Variants in HS6ST2 observed in about 807,000 individuals in gnomAD.
HS6ST2 encodes heparan-sulfate 6-O-sulfotransferase 2.
HS6ST2 carries 17 observed loss-of-function variants against 33.0 expected under a neutral mutation model. That is an observed-to-expected ratio of 0.52 (90% CI 0.35 to 0.77). The LOEUF (loss-of-function observed/expected upper bound fraction) is 0.77, where lower values mean the gene tolerates loss of function less well. Among genes scored for constraint, HS6ST2 ranks in the 30% least tolerant of loss-of-function variants. The probability of loss-of-function intolerance (pLI) is 0.01; values close to 1 mark genes in which losing one functional copy is unlikely to be tolerated. For missense variants in HS6ST2, 519 were observed against 551.7 expected (o/e 0.94, Z 0.59); for synonymous variants, 248 against 237.1 (o/e 1.05, Z -0.42).
At chrX:132,712,383 T>C (rs1181764797) in intron 2 of HS6ST2, among the ~76,000 whole-genome samples, 1 of 112,125 alleles carries the variant, frequency 8.9e-6, no homozygotes, top group East Asian at 2.8e-4. Flanking sequence ...CTTATGTTAA[T>C]ACATGCTAAA....
At chrX:132,926,087 C>G (rs370617616) in intron 2 of HS6ST2, among the ~76,000 whole-genome samples, 1 of 112,548 alleles carries the variant, frequency 8.9e-6, no homozygotes, top group East Asian at 2.8e-4. Context: ...AGTAATTTGA[C>G]TGGTTAGAGA....
chrX:132,819,389 A>G (rs1016271283), intron 2 of HS6ST2, among the ~76,000 whole-genome samples: 1 of 111,730 alleles, frequency 9.0e-6, no homozygotes, highest in Non-Finnish European at 1.9e-5. Context: ...GGGATTCACC[A>G]GCTTTGAAAA....
intron 2 of HS6ST2, among the ~76,000 whole-genome samples, chrX:132,749,944 G>A (rs1469362394): frequency 1.8e-5 from 2 of 111,356 alleles, no homozygotes; most frequent in Non-Finnish European, 3.8e-5. Flanking sequence ...ATAGGAAAGG[G>A]CTTTGAAAAG....
At chrX:132,635,580 G>A (rs1254516007) in intron 4 of HS6ST2, among the ~76,000 whole-genome samples, 2 of 111,232 alleles carry the variant, frequency 1.8e-5, no homozygotes, top group Non-Finnish European at 3.8e-5. Flanking sequence ...TCTCAATTGT[G>A]AGTGATCTTC....
chrX:132,943,991 G>A (rs1405369041), intron 2 of HS6ST2, among the ~76,000 whole-genome samples: 1 of 111,251 alleles, frequency 9.0e-6, no homozygotes, highest in Non-Finnish European at 1.9e-5. Flanking sequence ...TCAACATAGT[G>A]TTGGAAGTTC....
chrX:132,820,059 C>T (rs1425975868), intron 2 of HS6ST2, among the ~76,000 whole-genome samples: 1 of 111,873 alleles, frequency 8.9e-6, no homozygotes, highest in Non-Finnish European at 1.9e-5. Flanking sequence ...ATTCTAAGGC[C>T]CAAGGACAAA....
At position 132,958,411 on chromosome X, in the gene HS6ST2, G is replaced by C. The variant is rs765888378; in HGVS notation, c.192C>G (p.Thr64=). The C allele has an allele frequency of 1.0e-5, 12 of 1,198,734 alleles. No homozygotes were observed. The highest frequency in any genetic ancestry group is 1.3e-5 in the Non-Finnish European group (12 of 892,015). ...TTCGGGGCTTGTCCAGGAGCGGCCG[G>C]GTGTGGAATCCGTGAGACACACCCC... The part of the protein sequence containing the change: ...PPRGVSHGFH[T]RPLLDKPRKA... Residue 64 remains threonine (T), a synonymous_variant, in exon 1 of 5, where the codon ACC becomes ACG. Transcript: ENST00000370833.
chrX:132,749,107 C>A (rs747330179), intron 2 of HS6ST2, among the ~76,000 whole-genome samples: 8 of 112,135 alleles, frequency 7.1e-5, no homozygotes, highest in Non-Finnish European at 1.5e-4. Flanking sequence ...CTCTGAGCAG[C>A]CTTTCCTGAC....
intron 2 of HS6ST2, among the ~76,000 whole-genome samples, chrX:132,925,555 A>G (rs914613946): frequency 9.0e-6 from 1 of 111,542 alleles, no homozygotes; most frequent in Non-Finnish European, 1.9e-5. Context: ...ACACCCAGCT[A>G]GTGTCGGAGT....
At chrX:132,687,320 A>G (rs1376947179) in intron 3 of HS6ST2, among the ~76,000 whole-genome samples, 1 of 111,298 alleles carries the variant, frequency 9.0e-6, no homozygotes, top group Non-Finnish European at 1.9e-5. Context: ...AGAAGGCAGG[A>G]TAATAAAAAA....
intron 2 of HS6ST2, among the ~76,000 whole-genome samples, chrX:132,789,351 T>C (rs1422277136): frequency 9.0e-6 from 1 of 111,052 alleles, no homozygotes; most frequent in African/African-American, 3.3e-5. Flanking sequence ...CATCTGTTTA[T>C]AGCATGATTT....
chrX:132,719,644 G>A (rs2227141), intron 2 of HS6ST2, among the ~76,000 whole-genome samples: 14,797 of 111,335 alleles, frequency 0.13, 839 homozygotes, highest in East Asian at 0.27. Flanking sequence ...TGGCCCCTTC[G>A]TTTCTCTGTG....
At chrX:132,882,142 T>G (rs777890799) in intron 2 of HS6ST2, among the ~76,000 whole-genome samples, 1 of 111,389 alleles carries the variant, frequency 9.0e-6, no homozygotes, top group African/African-American at 3.3e-5. Flanking sequence ...TTTAAAGTAG[T>G]TTTTTCCAAT....
At chrX:132,890,493 G>C (rs1284156878) in intron 2 of HS6ST2, among the ~76,000 whole-genome samples, 1 of 108,275 alleles carries the variant, frequency 9.2e-6, no homozygotes, top group Non-Finnish European at 1.9e-5. Flanking sequence ...GGGTTTTAAA[G>C]GTAGGCTTCT....
intron 2 of HS6ST2, among the ~76,000 whole-genome samples, chrX:132,868,664 C>A (rs1233725733): frequency 8.9e-6 from 1 of 111,859 alleles, no homozygotes; most frequent in Admixed American, 9.5e-5. Flanking sequence ...ACTAAACAAC[C>A]TGCTCCTGAA....
intron 4 of HS6ST2, among the ~76,000 whole-genome samples, chrX:132,639,376 C>G (rs1432369025): frequency 8.9e-6 from 1 of 111,845 alleles, no homozygotes; most frequent in South Asian, 3.7e-4. Context: ...GATTACACTG[C>G]CTTTCTCCCA....
At chrX:132,754,654 G>A (rs2064740811) in intron 2 of HS6ST2, among the ~76,000 whole-genome samples, 1 of 109,299 alleles carries the variant, frequency 9.1e-6, no homozygotes, top group Non-Finnish European at 1.9e-5. Context: ...CTGACCTCAT[G>A]ATCTGCCCAC....
At chrX:132,856,836 T>C (rs899565447) in intron 2 of HS6ST2, among the ~76,000 whole-genome samples, 1 of 111,842 alleles carries the variant, frequency 8.9e-6, no homozygotes, top group Non-Finnish European at 1.9e-5. Flanking sequence ...TGAGAGGATA[T>C]TTACTATAAG....
intron 2 of HS6ST2, among the ~76,000 whole-genome samples, chrX:132,744,319 T>C (rs1036849681): frequency 6.3e-5 from 7 of 111,618 alleles, no homozygotes; most frequent in Non-Finnish European, 1.3e-4. Context: ...TTAGAGTCAC[T>C]ACAGAGCTGT....
Sources: gnomAD v4.1 joint callset for allele counts (sites outside exome capture counted in the v4.1 genomes callset) on GRCh38, gnomAD v4.1.1 for gene constraint, MANE v1.5 for transcripts, NCBI Gene and HGNC (gene_info 2026-07-23, HGNC 2026-07-21) for gene names.